SEM1: variants seen among roughly 807,000 people sequenced by gnomAD.
The protein encoded by SEM1 is 26S proteasome complex subunit SEM1.
Under a neutral mutation model 12.7 loss-of-function variants are expected in SEM1, and 3 were observed. The observed-to-expected ratio is 0.24, with a 90% CI of 0.11 to 0.61. SEM1 has a LOEUF of 0.61. Ranked by LOEUF, SEM1 falls within the 20% of genes least tolerant of loss-of-function variation. SEM1 has a pLI of 0.88. For synonymous variants in SEM1, 30 were observed against 27.8 expected, an observed-to-expected ratio of 1.08 and a Z score of -0.25; for missense variants, 59 against 81.3, an observed-to-expected ratio of 0.73 and a Z score of 1.06.
chr7:96,540,889 A>G (rs1023348337), intron 2 of SEM1, among the ~76,000 whole-genome samples: 1 of 151,916 alleles, frequency 6.6e-6, no homozygotes, highest in Non-Finnish European at 1.5e-5. Flanking sequence ...CTCCAGGTGC[A>G]TCCTGGTTGC....
intron 2 of SEM1, among the ~76,000 whole-genome samples, chr7:96,596,628 C>T (rs1807006360): frequency 6.6e-6 from 1 of 152,108 alleles, no homozygotes; most frequent in Admixed American, 6.6e-5. Flanking sequence ...ATTGTGTTGA[C>T]CTCTACAGCT....
chr7:96,501,189 C>G (rs1178098341), upstream of SEM1, among the ~76,000 whole-genome samples: 1 of 152,120 alleles, frequency 6.6e-6, no homozygotes, highest in Non-Finnish European at 1.5e-5. Flanking sequence ...TCCTGGTTTA[C>G]TCTTTTCTCC....
downstream of SEM1, among the ~76,000 whole-genome samples, chr7:96,669,876 A>G (rs1005212296): frequency 2.6e-5 from 4 of 152,210 alleles, no homozygotes; most frequent in African/African-American, 4.8e-5. Flanking sequence ...AATGATCACT[A>G]TTTGTTGACA....
intron 2 of SEM1, among the ~76,000 whole-genome samples, chr7:96,513,733 G>A (rs1009667508): frequency 6.6e-6 from 1 of 152,050 alleles, no homozygotes; most frequent in African/African-American, 2.4e-5. Context: ...GGAGGCTGAG[G>A]CAGGAGAATC....
At chr7:96,627,693 G>T (rs1808116780) in intron 2 of SEM1, among the ~76,000 whole-genome samples, 1 of 152,028 alleles carries the variant, frequency 6.6e-6, no homozygotes, top group Admixed American at 6.6e-5. Context: ...CTAACATATG[G>T]CCTATCCTTG....
intron 1 of SEM1, among the ~76,000 whole-genome samples, chr7:96,490,106 A>G (rs1396171020): frequency 1.3e-5 from 2 of 152,238 alleles, no homozygotes; most frequent in African/African-American, 4.8e-5. Flanking sequence ...AGTCTGGAAC[A>G]GAATGGGATG....
chr7:96,542,113 G>T (rs10274198), intron 2 of SEM1, among the ~76,000 whole-genome samples: 2 of 151,160 alleles, frequency 1.3e-5, no homozygotes, highest in Non-Finnish European at 3.0e-5. Flanking sequence ...ATGAATTTTA[G>T]AATTTTTTTT....
intron 2 of SEM1, among the ~76,000 whole-genome samples, chr7:96,693,528 A>T (rs1413329462): frequency 6.6e-6 from 1 of 152,066 alleles, no homozygotes; most frequent in South Asian, 2.1e-4. Context: ...TGAATTCTTA[A>T]ATATGACACC....
chr7:96,549,631 G>C (rs992493636), intron 2 of SEM1, among the ~76,000 whole-genome samples: 3 of 152,148 alleles, frequency 2.0e-5, no homozygotes, highest in African/African-American at 7.2e-5. Context: ...GAATTGTCTT[G>C]GAGGTACACT....
intron 2 of SEM1, among the ~76,000 whole-genome samples, chr7:96,513,501 T>A (rs1020971681): frequency 7.2e-5 from 11 of 152,162 alleles, no homozygotes; most frequent in African/African-American, 2.4e-4. Flanking sequence ...GGTTGATATG[T>A]TTCTTTCCAG....
chr7:96,645,556 A>G lies in SEM1; in HGVS notation c.171-22913T>C, dbSNP rs1808759589. ...TAAAAGAGGACAGCTTATATAAAGC[A>G]TGAAAGAGAGACCGGAGCATGCTCA... On this transcript the variant is annotated intron_variant, in intron 2 of 2. Transcript: ENST00000417009. The G allele has an allele frequency of 1.5e-5, 6 of 391,244 alleles. No homozygotes were observed. In the East Asian group the frequency reaches 2.2e-4, roughly 14 times the overall value. The allele number at this position is 391,244 out of a possible 1,614,324, so 24.2% of individuals were successfully genotyped here.
At chr7:96,590,433 C>A (rs1413697872) in intron 2 of SEM1, among the ~76,000 whole-genome samples, 4 of 152,156 alleles carry the variant, frequency 2.6e-5, no homozygotes, top group African/African-American at 9.7e-5. Context: ...ACTCCACGAA[C>A]AAGCACTCTT....
intron 1 of SEM1, among the ~76,000 whole-genome samples, chr7:96,703,576 A>G (rs1393080169): frequency 6.6e-6 from 1 of 152,152 alleles, no homozygotes; most frequent in Non-Finnish European, 1.5e-5. Context: ...ATTATCTGTA[A>G]CAGAAAAAAA....
At chr7:96,487,834 CAGA>C (rs1365715910) in intron 1 of SEM1, among the ~76,000 whole-genome samples, 1 of 150,008 alleles carries the variant, frequency 6.7e-6, no homozygotes, top group Non-Finnish European at 1.5e-5. Flanking sequence ...GACTCTGATT[CAGA>C]AGATCTAGGG....
chr7:96,667,443 C>T (rs370312063), intron 2 of SEM1, among the ~76,000 whole-genome samples: 4 of 152,126 alleles, frequency 2.6e-5, no homozygotes, highest in South Asian at 2.1e-4. Context: ...ACTTCAAAGG[C>T]GTAGGTTATG....
downstream of SEM1, chr7:96,621,777 T>C (rs531779476): frequency 2.6e-5 from 4 of 152,356 alleles, no homozygotes; most frequent in African/African-American, 9.6e-5. Flanking sequence ...GTACAATACA[T>C]TTGGATTCTC....
rs1396381484 is a variant in SEM1 at position 96,588,192 on chromosome 7, CA to C, written c.171-81495del. Among the ~76,000 whole-genome samples the C allele has an allele frequency of 2.6e-5, 4 of 151,434 alleles. No individual in the cohort carries two copies. In the South Asian group the frequency reaches 8.4e-4, roughly 32 times the overall value. On this transcript the variant is annotated intron_variant and NMD_transcript_variant, in intron 2 of 3. Coordinates refer to the SEM1 transcript ENST00000466986. ...GAGACCAGCCTGGGCAATAGTGAGA[CA>C]AAAAATTTAAAAATTAGCCAGGTGT... is the stretch of plus-strand genomic sequence containing the variant.
At chr7:96,625,921 C>T (rs1014189162) in intron 2 of SEM1, among the ~76,000 whole-genome samples, 1 of 151,984 alleles carries the variant, frequency 6.6e-6, no homozygotes, top group Non-Finnish European at 1.5e-5. Flanking sequence ...TTATGGAGTA[C>T]ATGAGATGTT....
chr7:96,544,481 T>C (rs1156319696), intron 2 of SEM1, among the ~76,000 whole-genome samples: 2 of 152,038 alleles, frequency 1.3e-5, no homozygotes, highest in African/African-American at 2.4e-5. Flanking sequence ...ATTATAGATG[T>C]TTAATAAATT....
Sources: gnomAD v4.1 joint callset for allele counts (sites outside exome capture counted in the v4.1 genomes callset) on GRCh38, gnomAD v4.1.1 for gene constraint, MANE v1.5 for transcripts, NCBI Gene and HGNC (gene_info 2026-07-23, HGNC 2026-07-21) for gene names.